Variants in TMTC3 observed in about 807,000 individuals in gnomAD.
The protein encoded by TMTC3 is protein O-mannosyl-transferase TMTC3.
TMTC3 carries 52 observed loss-of-function variants against 92.2 expected under a neutral mutation model. That is an observed-to-expected ratio of 0.56 (90% CI 0.45 to 0.71). The LOEUF (loss-of-function observed/expected upper bound fraction) is 0.71. Among genes scored for constraint, TMTC3 ranks in the 30% least tolerant of loss-of-function variants. The pLI is 0.00. For missense variants in TMTC3, 896 were observed against 1,057.1 expected (o/e 0.85, Z 2.11); for synonymous variants, 339 against 363.3 (o/e 0.93, Z 0.76).
intron 1 of TMTC3, among the ~76,000 whole-genome samples, chr12:88,144,537 T>C (rs2040847963): frequency 1.3e-5 from 2 of 152,196 alleles, no homozygotes; most frequent in South Asian, 4.1e-4. Context: ...GTGCCTGGTC[T>C]CTAATGGTAA....
intron 6 of TMTC3, among the ~76,000 whole-genome samples, chr12:88,163,239 T>G (rs1269723531): frequency 6.6e-6 from 1 of 152,174 alleles, no homozygotes; most frequent in African/African-American, 2.4e-5. Context: ...AAGCTTTGTT[T>G]TGTGGGACCA....
At chr12:88,152,029 A>G (rs2040949046) in intron 2 of TMTC3, among the ~76,000 whole-genome samples, 2 of 152,238 alleles carry the variant, frequency 1.3e-5, no homozygotes, top group African/African-American at 2.4e-5. Flanking sequence ...GCTTAAGTCT[A>G]CTTGTGTGCC....
chr12:88,151,516 A>G (rs1360080663), intron 2 of TMTC3, among the ~76,000 whole-genome samples: 1 of 152,188 alleles, frequency 6.6e-6, no homozygotes, highest in East Asian at 1.9e-4. Context: ...TTAGTATCTA[A>G]TAGGCTGATG....
At chr12:88,145,063 A>C (rs749483494) in intron 1 of TMTC3, among the ~76,000 whole-genome samples, 4 of 152,002 alleles carry the variant, frequency 2.6e-5, no homozygotes, top group Non-Finnish European at 5.9e-5. Flanking sequence ...ACCTTTTATT[A>C]TTGCTTACCT....
chr12:88,178,610 A>G (rs944146443), intron 10 of TMTC3, among the ~76,000 whole-genome samples: 7 of 151,206 alleles, frequency 4.6e-5, no homozygotes, highest in African/African-American at 1.7e-4. Context: ...TAGCAGGAAC[A>G]TCTGATTCAT....
At position 88,176,174 on chromosome 12, in the gene TMTC3, A is replaced by T. The variant is rs201881486; in HGVS notation, c.1321-34A>T. 8 of 1,435,114 alleles carry T rather than the reference A, an allele frequency of 5.6e-6. No homozygotes were observed. The Admixed American group carries it at 5.9e-5, about 11-fold the overall frequency. The allele number at this position is 1,435,114 out of a possible 1,614,324, so 88.9% of individuals were successfully genotyped here. A position where few individuals can be genotyped will look rare whatever the true frequency, so the allele number is the denominator to read the frequency against. The stretch of plus-strand genomic sequence containing the variant: ...TATGAACTGGAGTCATTTTTTTTTA[A>T]TTGTAACTTTTTCTATCTGTGCTTG... On this transcript the variant is annotated intron_variant, in intron 9 of 13. Coordinates refer to ENST00000266712, the MANE Select transcript of TMTC3 (RefSeq NM_181783.4).
At chr12:88,186,582 T>C (rs989950997) in intron 10 of TMTC3, among the ~76,000 whole-genome samples, 24 of 152,216 alleles carry the variant, frequency 1.6e-4, no homozygotes, top group African/African-American at 5.8e-4. Context: ...GGATAGGTAC[T>C]GGTAAGAGTG....
chr12:88,179,245 A>G (rs571929518), intron 10 of TMTC3, among the ~76,000 whole-genome samples: 1 of 152,302 alleles, frequency 6.6e-6, no homozygotes, highest in African/African-American at 2.4e-5. Context: ...TGGGTTTGAC[A>G]GATGAAATGA....
intron 2 of TMTC3, among the ~76,000 whole-genome samples, chr12:88,153,041 T>C (rs2040961473): frequency 6.6e-6 from 1 of 152,190 alleles, no homozygotes; most frequent in Admixed American, 6.5e-5. Context: ...AAATGTCCTT[T>C]TACTGTTAGT....
At chr12:88,177,340 T>C (rs1227461068) in intron 10 of TMTC3, among the ~76,000 whole-genome samples, 1 of 151,090 alleles carries the variant, frequency 6.6e-6, no homozygotes, top group East Asian at 1.9e-4. Context: ...AAAAAAAAAA[T>C]AGTTACATGT....
chr12:88,192,883 T>G lies in TMTC3; in HGVS notation c.1933+53T>G. The G allele has an allele frequency of 4.9e-6, 7 of 1,434,774 alleles. No individual in the cohort carries two copies. In the South Asian group the frequency reaches 9.4e-5, roughly 19 times the overall value. 88.9% of individuals were successfully genotyped at this position (1,434,774 alleles called of 1,614,324 possible). A position where few individuals can be genotyped will look rare whatever the true frequency, so the allele number is the denominator to read the frequency against. ...ATATAAATTGTAGTTTATAATATAA[T>G]AAGACCTTAATTTAACTTTATTACC... On this transcript the variant is annotated intron_variant, in intron 13 of 13. Transcript: ENST00000266712.
intron 3 of TMTC3, among the ~76,000 whole-genome samples, chr12:88,153,924 C>T (rs988986380): frequency 6.6e-6 from 1 of 151,584 alleles, no homozygotes; most frequent in Non-Finnish European, 1.5e-5. Flanking sequence ...TAAGAACATT[C>T]GTATTTTAAG....
chr12:88,182,634 G>A (rs954523944), intron 10 of TMTC3, among the ~76,000 whole-genome samples: 7 of 152,068 alleles, frequency 4.6e-5, no homozygotes, highest in African/African-American at 7.2e-5. Context: ...TATTCTTTAC[G>A]ACAGAGGCTT....
At chr12:88,162,529 T>A (rs572141492) in intron 6 of TMTC3, among the ~76,000 whole-genome samples, 13 of 152,194 alleles carry the variant, frequency 8.5e-5, no homozygotes, top group Non-Finnish European at 1.6e-4. Context: ...TTTTGCTATA[T>A]CAAGTTCACT....
At chr12:88,143,609 A>G (rs2040820783) in intron 1 of TMTC3, among the ~76,000 whole-genome samples, 1 of 152,204 alleles carries the variant, frequency 6.6e-6, no homozygotes, top group African/African-American at 2.4e-5. Flanking sequence ...TTGTTCCTCA[A>G]TCTTGCTATT....
chr12:88,190,314 G>C (rs928138638), intron 11 of TMTC3, 139 bp from the exon 12 acceptor site: 2 of 645,318 alleles, frequency 3.1e-6, no homozygotes, highest in Non-Finnish European at 5.0e-6. Flanking sequence ...GTCAAAACAG[G>C]AGTAGAACCC....
chr12:88,154,849 G>A (rs2040986445), intron 4 of TMTC3, among the ~76,000 whole-genome samples: 1 of 152,136 alleles, frequency 6.6e-6, no homozygotes, highest in Non-Finnish European at 1.5e-5. Context: ...ACCTACCCTG[G>A]AAAGTGCTTC....
chr12:88,192,644 A>G lies in TMTC3; in HGVS notation c.1747A>G (p.Lys583Glu), dbSNP rs749897148. The G allele has an allele frequency of 1.9e-6, 3 of 1,611,758 alleles. No homozygotes were observed. Among genetic ancestry groups the G allele is most frequent in the Non-Finnish European group, 2.5e-6 (3 of 1,178,230 alleles). ...AAAAATGAATAAACCTCTTAAAGCAAAGGAAGCATATCTTAAAGCACTAGA... is the reference window on the plus strand; with the variant it reads ...AAAAATGAATAAACCTCTTAAAGCAGAGGAAGCATATCTTAAAGCACTAGA... ...LLKMNKPLKA[K>E]EAYLKALELD... The change falls in exon 13 of 14, where the codon AAG (lysine) becomes GAG (glutamate). Residue 583 changes from lysine (K) to glutamate (E), a missense_variant. Lys to Glu is a moderately conservative substitution (Grantham distance 56). Transcript: ENST00000266712.
chr12:88,189,207 C>T (rs1284625486), intron 11 of TMTC3, among the ~76,000 whole-genome samples: 1 of 151,574 alleles, frequency 6.6e-6, no homozygotes, highest in Non-Finnish European at 1.5e-5. Context: ...GATTCTTCTG[C>T]CTCAGCCTCC....
Sources: allele counts gnomAD v4.1 joint callset (sites outside exome capture counted in the v4.1 genomes callset), GRCh38; gene constraint gnomAD v4.1.1; transcripts MANE v1.5; gene names NCBI Gene and HGNC (gene_info 2026-07-23, HGNC 2026-07-21).